The following SLC17A1 variants were observed in gnomAD, a reference collection of about 807,000 sequenced individuals.
SLC17A1 encodes the protein sodium-dependent phosphate transport protein 1.
A neutral mutation model predicts 53.5 loss-of-function variants in SLC17A1; 51 were observed. That is an observed-to-expected ratio of 0.95 (90% CI 0.76 to 1.20). SLC17A1 has a LOEUF of 1.20. Among genes scored for constraint, SLC17A1 ranks in the 50% most tolerant of loss-of-function variants. SLC17A1 has a pLI of 0.00. For missense variants in SLC17A1, 538 were observed against 568.2 expected (o/e 0.95, Z 0.54); for synonymous variants, 179 against 198.8 (o/e 0.90, Z 0.84).
chr6:25,776,553 G>C, the SLC17A1 span: 504 of 1,552,884 alleles, frequency 3.2e-4, no homozygotes, highest in Non-Finnish European at 4.1e-4. Context: ...CGTGGTGGGG[G>C]TGGTAAGGGC....
chr6:25,748,906 G>A, the SLC17A1 span, among the ~76,000 whole-genome samples: 1 of 152,198 alleles, frequency 6.6e-6, no homozygotes, highest in Admixed American at 6.5e-5. Flanking sequence ...CCCGCCACGG[G>A]GCAGTTTTTC....
intron 2 of SLC17A1, among the ~76,000 whole-genome samples, chr6:25,828,600 G>T (rs9467619): frequency 6.6e-6 from 1 of 151,296 alleles, no homozygotes. Context: ...TCTTAGATTT[G>T]TTTTGTTCTG....
the SLC17A1 span, chr6:25,770,074 C>A: frequency 6.2e-7 from 1 of 1,613,620 alleles, no homozygotes; most frequent in East Asian, 2.2e-5. Context: ...TAGGCCCCTG[C>A]ATATGACTGG....
intron 6 of SLC17A1, among the ~76,000 whole-genome samples, chr6:25,816,757 G>A (rs1323713983): frequency 1.3e-5 from 2 of 152,192 alleles, no homozygotes; most frequent in Non-Finnish European, 2.9e-5. Flanking sequence ...TGAGACAGAA[G>A]ACAGGGAAAG....
the SLC17A1 span, chr6:25,726,526 A>G: frequency 3.7e-6 from 6 of 1,603,598 alleles, no homozygotes; most frequent in Non-Finnish European, 4.3e-6. Flanking sequence ...TCGTCCAGAC[A>G]TCTCCTCGCA....
rs755631379 is a variant in SLC17A1, at chr6:25,812,947, A to T, written c.781T>A (p.Ser261Thr). The T allele has an allele frequency of 1.2e-6, 2 of 1,614,028 alleles. No individual in the cohort carries two copies. Among genetic ancestry groups the T allele is most frequent in the African/African-American group, 2.7e-5 (2 of 74,934 alleles). Residue 261 changes from serine (S) to threonine (T), a missense_variant, in exon 8 of 13, where the codon TCG becomes ACG. Coordinates refer to ENST00000244527, the MANE Select transcript of SLC17A1 (RefSeq NM_005074.5). ...GTGGAAATAGCCCAGACTGGAAGCG[A>T]CTTAAGTATAGCCTTGATAGGCAGA... ...QSLPIKAILKSLPVWAISTGS... is the reference protein window; with the variant it reads ...QSLPIKAILKTLPVWAISTGS...
the SLC17A1 span, among the ~76,000 whole-genome samples, chr6:25,754,404 C>T: frequency 6.6e-6 from 1 of 152,086 alleles, no homozygotes; most frequent in African/African-American, 2.4e-5. Flanking sequence ...TCAAAAGGGG[C>T]AAAATATACC....
chr6:25,768,496 T>C, the SLC17A1 span: 2 of 610,552 alleles, frequency 3.3e-6, no homozygotes, highest in Non-Finnish European at 4.2e-6. Flanking sequence ...AACCATAGCC[T>C]ATCTTTCAAG....
intron 12 of SLC17A1, among the ~76,000 whole-genome samples, chr6:25,785,161 A>C (rs1763354249): frequency 6.6e-6 from 1 of 152,168 alleles, no homozygotes. Flanking sequence ...AAGTAGCATA[A>C]AAAATAATAA....
the SLC17A1 span, among the ~76,000 whole-genome samples, chr6:25,750,798 G>T: frequency 2.0e-5 from 3 of 151,586 alleles, no homozygotes; most frequent in South Asian, 4.2e-4. Flanking sequence ...GGGGAGGGGG[G>T]TGTCGTATTT....
chr6:25,728,078 T>C, the SLC17A1 span, among the ~76,000 whole-genome samples: 7 of 152,210 alleles, frequency 4.6e-5, no homozygotes, highest in African/African-American at 1.7e-4. Context: ...TATTTAAGGT[T>C]AGCATTACAC....
intron 12 of SLC17A1, among the ~76,000 whole-genome samples, chr6:25,783,894 G>T: frequency 6.6e-6 from 1 of 151,788 alleles, no homozygotes; most frequent in Middle Eastern, 3.4e-3. Context: ...TCTCTGGCAA[G>T]TTGGGCTGAA....
intron 2 of SLC17A1, 63 bp from the exon 3 acceptor site, chr6:25,826,696 A>G: frequency 8.0e-7 from 1 of 1,244,442 alleles, no homozygotes; most frequent in Non-Finnish European, 1.1e-6. Context: ...TACTTTAACT[A>G]TAGGAGGGAC....
chr6:25,733,078 G>T, the SLC17A1 span, among the ~76,000 whole-genome samples: 1 of 152,074 alleles, frequency 6.6e-6, no homozygotes, highest in Non-Finnish European at 1.5e-5. Flanking sequence ...TTTAATACTC[G>T]GTAGTATTGA....
chr6:25,807,840 A>G (rs1764012305), intron 10 of SLC17A1, among the ~76,000 whole-genome samples: 1 of 151,982 alleles, frequency 6.6e-6, no homozygotes, highest in African/African-American at 2.4e-5. Context: ...TATATATATC[A>G]CCACATTTTC....
chr6:25,751,942 A>G, the SLC17A1 span, among the ~76,000 whole-genome samples: 7 of 152,212 alleles, frequency 4.6e-5, no homozygotes, highest in African/African-American at 1.7e-4. Context: ...CAAGGAAGCC[A>G]CAGAAATGAA....
chr6:25,724,847 C>G, the SLC17A1 span, among the ~76,000 whole-genome samples: 562 of 151,672 alleles, frequency 3.7e-3, 1 homozygote, highest in East Asian at 0.023. Context: ...CAATTTTTGC[C>G]GTCCCTAACT....
At chr6:25,735,401 G>A in the SLC17A1 span, among the ~76,000 whole-genome samples, 1 of 152,210 alleles carries the variant, frequency 6.6e-6, no homozygotes, top group African/African-American at 2.4e-5. Context: ...ATGAGGAGCA[G>A]AGAGATTAAG....
At chr6:25,798,504 C>T (rs1172216059) in intron 12 of SLC17A1, 8 of 280,626 alleles carry the variant, frequency 2.9e-5, no homozygotes, top group Admixed American at 5.1e-5. Flanking sequence ...CTTCCTACTT[C>T]GTTGAAGGCC....
Sources: allele counts gnomAD v4.1 joint callset (sites outside exome capture counted in the v4.1 genomes callset), GRCh38; gene constraint gnomAD v4.1.1; transcripts MANE v1.5; gene names NCBI Gene and HGNC (gene_info 2026-07-23, HGNC 2026-07-21).